RNF38: variants seen among roughly 807,000 people sequenced by gnomAD.
RNF38 encodes ring finger protein 38, also known as E3 ubiquitin-protein ligase RNF38.
A neutral mutation model predicts 67.2 loss-of-function variants in RNF38; 15 were observed. The ratio of observed to expected loss-of-function variants is 0.22; its 90% CI spans 0.15 to 0.34. RNF38 has a LOEUF of 0.34. Ranked by LOEUF, RNF38 falls within the 10% of genes least tolerant of loss-of-function variation. RNF38 has a pLI of 1.00. For missense variants in RNF38, 524 were observed against 639.9 expected (o/e 0.82, Z 1.95); for synonymous variants, 220 against 218.8 (o/e 1.01, Z -0.05).
intron 1 of RNF38, among the ~76,000 whole-genome samples, chr9:36,441,154 T>C (rs1365583198): frequency 6.6e-6 from 1 of 152,196 alleles, no homozygotes; most frequent in Non-Finnish European, 1.5e-5. Context: ...CCTTTTTCTA[T>C]TTTGTAATGT....
At chr9:36,446,825 A>AAAAG (rs1400315333) in intron 1 of RNF38, among the ~76,000 whole-genome samples, 10 of 146,590 alleles carry the variant, frequency 6.8e-5, no homozygotes, top group Non-Finnish European at 1.5e-4. Context: ...AAAAAAAAAA[A>AAAAG]AAAAAAAAAA....
chr9:36,465,243 T>C (rs934659689), intron 1 of RNF38, among the ~76,000 whole-genome samples: 2 of 152,366 alleles, frequency 1.3e-5, no homozygotes, highest in African/African-American at 4.8e-5. Flanking sequence ...TTTGACCCAG[T>C]AATTCTACTC....
intron 1 of RNF38, among the ~76,000 whole-genome samples, chr9:36,478,655 T>C (rs1840180213): frequency 1.3e-5 from 2 of 150,738 alleles, no homozygotes; most frequent in Admixed American, 6.6e-5. Flanking sequence ...CCGTCGCTAC[T>C]AAAAATACAA....
chr9:36,486,773 G>A (rs181956468), intron 1 of RNF38, among the ~76,000 whole-genome samples: 16 of 152,082 alleles, frequency 1.1e-4, no homozygotes, highest in Admixed American at 7.9e-4. Flanking sequence ...CTCCCAAGTC[G>A]GCCCCCTGCT....
chr9:36,347,093 C>T (rs574575715), intron 9 of RNF38, among the ~76,000 whole-genome samples: 7 of 124,936 alleles, frequency 5.6e-5, no homozygotes, highest in Admixed American at 4.1e-4. Context: ...GCACTCCAAG[C>T]CTGGGCGACA....
chr9:36,423,905 C>A (rs1296782377), intron 2 of RNF38, among the ~76,000 whole-genome samples: 5 of 24,432 alleles, frequency 2.0e-4, no homozygotes, highest in Non-Finnish European at 5.8e-4. Flanking sequence ...GCCGAGATTG[C>A]GCCACTGCAC....
intron 1 of RNF38, among the ~76,000 whole-genome samples, chr9:36,392,519 T>C (rs556327112): frequency 6.6e-6 from 1 of 152,206 alleles, no homozygotes; most frequent in East Asian, 1.9e-4. Context: ...AGAGAAGAGC[T>C]TGAGTACAGG....
chr9:36,421,388 G>A (rs1174822699), intron 2 of RNF38, among the ~76,000 whole-genome samples: 1 of 152,146 alleles, frequency 6.6e-6, no homozygotes, highest in South Asian at 2.1e-4. Context: ...TTGGGGCCAG[G>A]CATGGTGGCT....
At chr9:36,347,221 G>C (rs923060079) in intron 9 of RNF38, among the ~76,000 whole-genome samples, 1 of 146,850 alleles carries the variant, frequency 6.8e-6, no homozygotes, top group Non-Finnish European at 1.5e-5. Context: ...CATTGATAAT[G>C]ATCTTTTATA....
At chr9:36,457,127 A>G (rs1036090919) in intron 1 of RNF38, among the ~76,000 whole-genome samples, 10 of 152,214 alleles carry the variant, frequency 6.6e-5, no homozygotes, top group African/African-American at 2.4e-4. Context: ...TTCCAGAAAT[A>G]AAACAAAACC....
intron 7 of RNF38, 152 bp downstream of exon 7, chr9:36,353,018 A>G: frequency 1.3e-6 from 1 of 795,012 alleles, no homozygotes; most frequent in Non-Finnish European, 2.0e-6. Flanking sequence ...ATTTTAAACC[A>G]TACACTCAGG....
chr9:36,423,684 T>C lies in RNF38; in HGVS notation n.312+929A>G, dbSNP rs1403660165. Among the ~76,000 whole-genome samples, 6 of 95,566 alleles carry C rather than the reference T, an allele frequency of 6.3e-5. 2 individuals carry two copies. The highest frequency in any genetic ancestry group is 5.4e-4 in the Admixed American group (6 of 11,184). 62.7% of individuals were successfully genotyped at this position (95,566 alleles called of 152,430 possible). A position where few individuals can be genotyped will look rare whatever the true frequency, so the allele number is the denominator to read the frequency against. On this transcript the variant is annotated intron_variant and non_coding_transcript_variant, in intron 2 of 3. Transcript: ENST00000488058. Reference sequence around the variant, plus strand: ...AAAAGCCCCGGCCGGGCGCGGTGGCTCACGCCTGTAATCCCAGCACTTTGG... The same window carrying C: ...AAAAGCCCCGGCCGGGCGCGGTGGCCCACGCCTGTAATCCCAGCACTTTGG...
chr9:36,485,618 A>ATTCT (rs1840391229), intron 1 of RNF38, among the ~76,000 whole-genome samples: 1 of 152,174 alleles, frequency 6.6e-6, no homozygotes, highest in Non-Finnish European at 1.5e-5. Flanking sequence ...TGTGTGTCTT[A>ATTCT]GAGTTTTTTA....
In RNF38 at chr9:36,414,681, T is replaced by C. The variant is rs538186812; in HGVS notation, n.312+9932A>G. Among the ~76,000 whole-genome samples the C allele has an allele frequency of 6.2e-5, 9 of 144,352 alleles. No homozygotes were observed. The East Asian group carries it at 1.4e-3, about 22-fold the overall frequency. The allele number at this position is 144,352 out of a possible 152,430, so 94.7% of individuals were successfully genotyped here. On this transcript the variant is annotated intron_variant and non_coding_transcript_variant, in intron 2 of 3. Coordinates refer to the RNF38 transcript ENST00000488058. Reference sequence around the variant, plus strand: ...AGCCTGGGCAACGAGAGCGAAACTCTGTCTCCAAAAAAAAAAAAAAAAAAA... The same window carrying C: ...AGCCTGGGCAACGAGAGCGAAACTCCGTCTCCAAAAAAAAAAAAAAAAAAA...
At chr9:36,476,372 A>G (rs1433346563) in intron 1 of RNF38, among the ~76,000 whole-genome samples, 1 of 152,100 alleles carries the variant, frequency 6.6e-6, no homozygotes, top group African/African-American at 2.4e-5. Context: ...TCAGCCTCCC[A>G]AAGTGCTAGG....
intron 1 of RNF38, among the ~76,000 whole-genome samples, chr9:36,450,024 G>A (rs1164275986): frequency 2.0e-5 from 3 of 152,056 alleles, no homozygotes; most frequent in African/African-American, 2.4e-5. Context: ...ATTTATATGC[G>A]ATCATATACT....
At position 36,369,914 on chromosome 9, in the gene RNF38, C is replaced by G; in HGVS notation, c.375G>C (p.Gln125His). 1.2e-6 allele frequency: 2 copies of G among 1,612,706 alleles called. No homozygotes were observed. The highest frequency in any genetic ancestry group is 1.7e-6 in the Non-Finnish European group (2 of 1,179,854). The change falls in exon 4 of 12, where the codon CAG (glutamine) becomes CAC (histidine). Residue 125 changes from glutamine (Q) to histidine (H), a missense_variant. Physicochemically the swap from Gln to His is conservative, Grantham distance 24. Transcript: ENST00000259605. ...RNRRSPPVRR[Q>H]RGRRDRLSRH... ...GAGACAGACGATCCCTTCTTCCTCTCTGGCGCCTGACAGGAGGACTGTGAT... is the reference window on the plus strand; with the variant it reads ...GAGACAGACGATCCCTTCTTCCTCTGTGGCGCCTGACAGGAGGACTGTGAT...
chr9:36,396,691 G>A (rs948368621), intron 1 of RNF38, among the ~76,000 whole-genome samples: 1 of 151,958 alleles, frequency 6.6e-6, no homozygotes, highest in Non-Finnish European at 1.5e-5. Flanking sequence ...AGGGATCTTT[G>A]GGGGATGACA....
chr9:36,474,537 G>A (rs1840079018), intron 1 of RNF38, among the ~76,000 whole-genome samples: 1 of 147,900 alleles, frequency 6.8e-6, no homozygotes, highest in Non-Finnish European at 1.5e-5. Context: ...TACAGATTCT[G>A]GAATTAGACT....
Sources: allele counts gnomAD v4.1 joint callset (sites outside exome capture counted in the v4.1 genomes callset), GRCh38; gene constraint gnomAD v4.1.1; transcripts MANE v1.5; gene names NCBI Gene and HGNC (gene_info 2026-07-23, HGNC 2026-07-21).